RBMS3: variants seen among roughly 807,000 people sequenced by gnomAD.
RBMS3 encodes RNA-binding motif, single-stranded-interacting protein 3.
RBMS3 carries 27 observed loss-of-function variants against 66.8 expected under a neutral mutation model. The ratio of observed to expected loss-of-function variants is 0.40; its 90% confidence interval spans 0.30 to 0.56. The LOEUF (loss-of-function observed/expected upper bound fraction) is 0.56. Among genes scored for constraint, RBMS3 ranks in the 20% least tolerant of loss-of-function variants. The pLI, the probability that RBMS3 is intolerant of heterozygous loss-of-function variation, is 0.40. For synonymous variants in RBMS3, 188 were observed against 183.0 expected (o/e 1.03, Z -0.22); for missense variants, 513 against 549.5 (o/e 0.93, Z 0.66).
At chr3:29,837,663 C>CATATATATATATATAT (rs3070797) in intron 6 of RBMS3, among the ~76,000 whole-genome samples, 10 of 67,660 alleles carry the variant, frequency 1.5e-4, no homozygotes, top group East Asian at 2.0e-3. Context: ...ATATAATGAA[C>CATATATATATATATAT]ATATATATAT....
At chr3:29,942,808 CT>C (rs558929331) in intron 11 of RBMS3, among the ~76,000 whole-genome samples, 3,540 of 130,838 alleles carry the variant, frequency 0.027, 115 homozygotes, top group African/African-American at 0.082. Flanking sequence ...CAATAATTAA[CT>C]TTTTTTTTTT....
chr3:29,921,295 C>T (rs1288892622), intron 10 of RBMS3, among the ~76,000 whole-genome samples: 1 of 151,696 alleles, frequency 6.6e-6, no homozygotes, highest in East Asian at 1.9e-4. Context: ...AACTCCTGAC[C>T]TCAAGTGATC....
intron 1 of RBMS3, among the ~76,000 whole-genome samples, chr3:29,371,137 A>C (rs992589690): frequency 1.3e-5 from 2 of 152,180 alleles, no homozygotes; most frequent in African/African-American, 4.8e-5. Flanking sequence ...GGTTTTGTTC[A>C]TGGAGTGGGA....
intron 1 of RBMS3, among the ~76,000 whole-genome samples, chr3:29,297,489 A>G (rs1259906210): frequency 2.6e-5 from 4 of 151,882 alleles, no homozygotes; most frequent in Non-Finnish European, 5.9e-5. Flanking sequence ...TTGCACTTCC[A>G]TTATGCTTCT....
At chr3:29,650,846 T>C (rs567676788) in intron 4 of RBMS3, among the ~76,000 whole-genome samples, 2 of 152,212 alleles carry the variant, frequency 1.3e-5, no homozygotes, top group Non-Finnish European at 2.9e-5. Flanking sequence ...ACCATCTATT[T>C]GTATGGAAAA....
chr3:29,805,563 T>C (rs1200698288), intron 6 of RBMS3, among the ~76,000 whole-genome samples: 1 of 151,962 alleles, frequency 6.6e-6, no homozygotes, highest in African/African-American at 2.4e-5. Flanking sequence ...AAGACAGTAA[T>C]GTTGATGATC....
chr3:29,526,994 T>G (rs182017708), intron 3 of RBMS3, among the ~76,000 whole-genome samples: 252 of 152,108 alleles, frequency 1.7e-3, no homozygotes, highest in Non-Finnish European at 2.3e-3. Context: ...TGGACTCTAG[T>G]TACCAACTTG....
chr3:29,818,315 T>G (rs995289861), intron 6 of RBMS3, among the ~76,000 whole-genome samples: 1 of 152,022 alleles, frequency 6.6e-6, no homozygotes, highest in Non-Finnish European at 1.5e-5. Flanking sequence ...TTTTTCTTCT[T>G]TAATAAGTAA....
intron 1 of RBMS3, among the ~76,000 whole-genome samples, chr3:29,285,739 A>G (rs1384334358): frequency 6.6e-6 from 1 of 152,150 alleles, no homozygotes; most frequent in African/African-American, 2.4e-5. Context: ...ATCTGCAGCC[A>G]CCCGTCTCTA....
intron 3 of RBMS3, among the ~76,000 whole-genome samples, chr3:29,581,482 A>G (rs1406733082): frequency 6.6e-6 from 1 of 152,168 alleles, no homozygotes; most frequent in Non-Finnish European, 1.5e-5. Flanking sequence ...CAGTCATCCT[A>G]TTCTGAGCCC....
At position 29,802,758 on chromosome 3, in the gene RBMS3, G is replaced by A. The variant is rs548108411; in HGVS notation, c.637+39769G>A. Among the ~76,000 whole-genome samples the A allele has an allele frequency of 7.9e-5, 12 of 152,266 alleles. No homozygotes were observed. In the South Asian group the frequency reaches 2.3e-3, roughly 29 times the overall value. On this transcript the variant is annotated intron_variant, in intron 6 of 14. Coordinates refer to ENST00000383767, the MANE Select transcript of RBMS3 (RefSeq NM_001003793.3). ...AAATTCTGACAGAGAAGAGGGACAGGTGATTGGTGGCCTAGTAGAGTTAGG... is the reference window on the plus strand; with the variant it reads ...AAATTCTGACAGAGAAGAGGGACAGATGATTGGTGGCCTAGTAGAGTTAGG...
chr3:29,704,202 A>C (rs1228665576), intron 4 of RBMS3, among the ~76,000 whole-genome samples: 7 of 152,122 alleles, frequency 4.6e-5, no homozygotes, highest in Admixed American at 4.6e-4. Context: ...ATCATCCCAA[A>C]ACCATCTCCC....
intron 12 of RBMS3, among the ~76,000 whole-genome samples, chr3:29,974,746 C>A (rs1224582091): frequency 6.7e-6 from 1 of 149,166 alleles, no homozygotes; most frequent in African/African-American, 2.4e-5. Flanking sequence ...TGAGACCCAT[C>A]CATATTTATA....
chr3:29,731,088 T>C (rs2054112291), intron 4 of RBMS3: 1 of 942,936 alleles, frequency 1.1e-6, no homozygotes, highest in Non-Finnish European at 1.3e-6. Context: ...GGCTCCTCAA[T>C]TGATCTTGAA....
At chr3:29,595,475 G>A (rs1194063025) in intron 4 of RBMS3, among the ~76,000 whole-genome samples, 1 of 151,602 alleles carries the variant, frequency 6.6e-6, no homozygotes, top group Non-Finnish European at 1.5e-5. Flanking sequence ...CCTCTTTGAA[G>A]AGAATGTGTC....
At chr3:29,875,657 C>CT (rs1212734929) in intron 7 of RBMS3, among the ~76,000 whole-genome samples, 1 of 151,736 alleles carries the variant, frequency 6.6e-6, no homozygotes, top group Non-Finnish European at 1.5e-5. Context: ...ACTGTTTTGT[C>CT]TTTTTTATGG....
chr3:29,947,137 A>G (rs964052116), intron 12 of RBMS3, among the ~76,000 whole-genome samples: 2 of 151,540 alleles, frequency 1.3e-5, no homozygotes, highest in South Asian at 2.1e-4. Context: ...ACTAACTACA[A>G]TGTAGTTAGC....
intron 2 of RBMS3, among the ~76,000 whole-genome samples, chr3:29,458,791 G>A (rs1009195793): frequency 6.6e-6 from 1 of 152,158 alleles, no homozygotes; most frequent in African/African-American, 2.4e-5. Context: ...CATTGAATTT[G>A]CAAGTTACTT....
At chr3:29,906,245 T>C (rs1333038951) in intron 10 of RBMS3, among the ~76,000 whole-genome samples, 1 of 152,092 alleles carries the variant, frequency 6.6e-6, no homozygotes, top group African/African-American at 2.4e-5. Context: ...GCACAGACTG[T>C]GTAATTTATA....
Sources: allele counts gnomAD v4.1 joint callset (sites outside exome capture counted in the v4.1 genomes callset), GRCh38; gene constraint gnomAD v4.1.1; transcripts MANE v1.5; gene names NCBI Gene and HGNC (gene_info 2026-07-23, HGNC 2026-07-21).